HDAC2: variants seen among roughly 807,000 people sequenced by gnomAD.
HDAC2 encodes YY1-associated factor 1.
HDAC2 carries 5 observed loss-of-function variants against 68.5 expected under a neutral mutation model. The observed-to-expected ratio is 0.07, with a 90% CI of 0.04 to 0.15. HDAC2 has a LOEUF of 0.15. HDAC2 is among the 10% of genes least tolerant of loss of function. The pLI is 1.00. For missense variants in HDAC2, 291 were observed against 600.8 expected (o/e 0.48, Z 5.39); for synonymous variants, 182 against 191.3 (o/e 0.95, Z 0.40).
chr6:113,958,389 T>A (rs181226763), intron 3 of HDAC2: 195 of 294,448 alleles, frequency 6.6e-4, no homozygotes, highest in Non-Finnish European at 1.0e-3. Flanking sequence ...CCTACCAATA[T>A]GTATTAACCC....
chr6:113,956,534 T>A (rs1776558900), intron 4 of HDAC2, 85 bp downstream of exon 4: 1 of 920,304 alleles, frequency 1.1e-6, no homozygotes, highest in African/African-American at 1.6e-5. Flanking sequence ...TCACAATCAT[T>A]AAAACTTCTG....
In HDAC2 at chr6:113,933,440, T is replaced by G. The variant is rs768202281; in HGVS notation, c.*7618A>C. 5.9e-5 allele frequency: 9 copies of G among 152,160 alleles called. No homozygotes were observed. Among genetic ancestry groups the G allele is most frequent in the Non-Finnish European group, 8.8e-5 (6 of 68,024 alleles). The allele number at this position is 152,160 out of a possible 1,614,324, so 9.4% of individuals were successfully genotyped here. ...ATTCAGTTATTCTGACTCCTGGACCTGAGATTCGATCCTATCCCATCCCAT... is the reference window on the plus strand; with the variant it reads ...ATTCAGTTATTCTGACTCCTGGACCGGAGATTCGATCCTATCCCATCCCAT... On this transcript the variant is annotated 3_prime_UTR_variant, in exon 14 of 14. Coordinates refer to ENST00000519065, the MANE Select transcript of HDAC2 (RefSeq NM_001527.4).
intron 6 of HDAC2, among the ~76,000 whole-genome samples, chr6:113,950,047 C>G (rs1776373016): frequency 6.6e-6 from 1 of 152,236 alleles, no homozygotes; most frequent in East Asian, 1.9e-4. Flanking sequence ...CCCCAAGGTG[C>G]TGGGATTACA....
At chr6:113,943,636 T>G in intron 11 of HDAC2, 130 bp from the exon 12 acceptor site, 1 of 543,822 alleles carries the variant, frequency 1.8e-6, no homozygotes, top group Non-Finnish European at 2.9e-6. Context: ...TGCCTAATGA[T>G]TTTAAAATTT....
intron 8 of HDAC2, 84 bp downstream of exon 8, chr6:113,948,888 GCAAGAAA>G: frequency 1.4e-6 from 2 of 1,436,712 alleles, no homozygotes; most frequent in Non-Finnish European, 1.9e-6. Context: ...AAAACAGCAG[GCAAGAAA>G]CTACAATGAG....
chr6:113,950,999 T>G (rs1234279784), intron 6 of HDAC2, among the ~76,000 whole-genome samples: 1 of 152,214 alleles, frequency 6.6e-6, no homozygotes, highest in Non-Finnish European at 1.5e-5. Context: ...CAAAGTATTG[T>G]GAAAACTTTA....
rs1775947469 is a variant in HDAC2 at position 113,934,077 on chromosome 6, T to C, written c.*6981A>G. 6.6e-6 allele frequency: 1 copy of C among 152,132 alleles called. No individual in the cohort carries two copies. Among genetic ancestry groups the C allele is most frequent in the Non-Finnish European group, 1.5e-5 (1 of 68,032 alleles). 9.4% of individuals were successfully genotyped at this position (152,132 alleles called of 1,614,324 possible). Reference sequence around the variant, plus strand: ...GTTTAAATATGAGAAAAAAGTTGACTTTAGAATGTCTAATAAGCCTATCCT... The same window carrying C: ...GTTTAAATATGAGAAAAAAGTTGACCTTAGAATGTCTAATAAGCCTATCCT... On this transcript the variant is annotated 3_prime_UTR_variant, in exon 14 of 14. Coordinates refer to ENST00000519065, the MANE Select transcript of HDAC2 (RefSeq NM_001527.4).
chr6:113,942,312 T>C (rs911031540), intron 12 of HDAC2, among the ~76,000 whole-genome samples: 1 of 152,058 alleles, frequency 6.6e-6, no homozygotes, highest in Non-Finnish European at 1.5e-5. Flanking sequence ...AAGCCATCAT[T>C]GTAATACATT....
chr6:113,943,101 T>C (rs1776176084), intron 12 of HDAC2, among the ~76,000 whole-genome samples: 1 of 152,160 alleles, frequency 6.6e-6, no homozygotes, highest in Non-Finnish European at 1.5e-5. Context: ...CAATGCAATG[T>C]TCACTATTTT....
At position 113,936,037 on chromosome 6, in the gene HDAC2, G is replaced by A. The variant is rs980258927; in HGVS notation, c.*5021C>T. 6.6e-6 allele frequency: 1 copy of A among 152,164 alleles called. No individual in the cohort carries two copies. The highest frequency in any genetic ancestry group is 1.5e-5 in the Non-Finnish European group (1 of 68,024). 9.4% of individuals were successfully genotyped at this position (152,164 alleles called of 1,614,324 possible). A position where few individuals can be genotyped will look rare whatever the true frequency, so the allele number is the denominator to read the frequency against. ...TCTAATATTCAGTTCCATTTTGTCT[G>A]ACTAGCAAAGTCACAATTAGTCAAT... is the stretch of plus-strand genomic sequence containing the variant. On this transcript the variant is annotated 3_prime_UTR_variant, in exon 14 of 14. Coordinates refer to ENST00000519065, the MANE Select transcript of HDAC2 (RefSeq NM_001527.4).
rs1198069197 is a variant in HDAC2 at position 113,941,012 on chromosome 6, A to G, written c.*46T>C. The G allele has an allele frequency of 2.0e-6, 3 of 1,483,492 alleles. No homozygotes were observed. Among genetic ancestry groups the G allele is most frequent in the Non-Finnish European group, 2.8e-6 (3 of 1,067,596 alleles). 91.9% of individuals were successfully genotyped at this position (1,483,492 alleles called of 1,614,324 possible). On this transcript the variant is annotated 3_prime_UTR_variant, in exon 14 of 14. Transcript: ENST00000519065. ...TCAAAAAGAAAACATTTTCCTTTCAATATTTTCTTTTTAATGATTTTCTGA... is the reference window on the plus strand; with the variant it reads ...TCAAAAAGAAAACATTTTCCTTTCAGTATTTTCTTTTTAATGATTTTCTGA...
chr6:113,957,378 C>T (rs757268613), intron 3 of HDAC2: 1 of 152,144 alleles, frequency 6.6e-6, no homozygotes, highest in Non-Finnish European at 1.5e-5. Flanking sequence ...GTAACCTCTT[C>T]AAGAATAAGG....
At chr6:113,957,871 C>T (rs915818781) in intron 3 of HDAC2, among the ~76,000 whole-genome samples, 2 of 151,848 alleles carry the variant, frequency 1.3e-5, no homozygotes. Context: ...CTACTCATGC[C>T]TCTTTTGCAT....
intron 1 of HDAC2, among the ~76,000 whole-genome samples, chr6:113,968,127 G>A (rs781200813): frequency 6.6e-6 from 1 of 152,156 alleles, no homozygotes; most frequent in Non-Finnish European, 1.5e-5. Context: ...AAGAGGCTCC[G>A]TGTGCCTAAC....
rs1775968184 is a variant in HDAC2 at position 113,934,840 on chromosome 6, G to A, written c.*6218C>T. ...CTGAACTATACAAGTAAATGTGTTT[G>A]ACAATAACAATGCTTATTTGATTGT... On this transcript the variant is annotated 3_prime_UTR_variant, in exon 14 of 14. Coordinates refer to ENST00000519065, the MANE Select transcript of HDAC2 (RefSeq NM_001527.4). 2 of 152,212 alleles carry A rather than the reference G, an allele frequency of 1.3e-5. No individual in the cohort carries two copies. The highest frequency in any genetic ancestry group is 2.9e-5 in the Non-Finnish European group (2 of 68,032). The allele number at this position is 152,212 out of a possible 1,614,324, so 9.4% of individuals were successfully genotyped here.
At chr6:113,951,719 G>A (rs974430934) in intron 6 of HDAC2, among the ~76,000 whole-genome samples, 7 of 151,884 alleles carry the variant, frequency 4.6e-5, no homozygotes, top group East Asian at 1.9e-4. Flanking sequence ...CTCCCACCTC[G>A]GCCTCCCAAA....
intron 1 of HDAC2, among the ~76,000 whole-genome samples, chr6:113,965,719 G>A (rs1382955470): frequency 2.0e-5 from 3 of 152,112 alleles, no homozygotes; most frequent in Non-Finnish European, 4.4e-5. Context: ...CTTAGGACTT[G>A]AGCAATCTTT....
At position 113,943,269 on chromosome 6, in the gene HDAC2, T is replaced by G. The variant is rs1776183516; in HGVS notation, c.1378+82A>C. Reference sequence around the variant, plus strand: ...TCCTCCTGATACCTGTGCAACTGACTTCTCGATAGCATAAACATTATAATG... The same window carrying G: ...TCCTCCTGATACCTGTGCAACTGACGTCTCGATAGCATAAACATTATAATG... On this transcript the variant is annotated intron_variant, in intron 12 of 13. Coordinates refer to ENST00000519065, the MANE Select transcript of HDAC2 (RefSeq NM_001527.4). 35 of 1,136,592 alleles carry G rather than the reference T, an allele frequency of 3.1e-5. No homozygotes were observed. The East Asian group carries it at 8.5e-4, about 28-fold the overall frequency. The allele number at this position is 1,136,592 out of a possible 1,614,324, so 70.4% of individuals were successfully genotyped here.
Position 113,948,862 on chromosome 6 carries a change from T to C in HDAC2, c.841+117A>G, listed in dbSNP as rs77775297. On this transcript the variant is annotated intron_variant, in intron 8 of 13. Transcript: ENST00000519065. ...ACAACAGACAAAACCCCATGAAAAA[T>C]GCAGAGTACAGTGTTAAAACAGCAG... 5.7e-3 allele frequency: 5,999 copies of C among 1,056,116 alleles called. 28 individuals carry two copies. The highest frequency in any genetic ancestry group is 7.4e-3 in the Admixed American group (264 of 35,562). 65.4% of individuals were successfully genotyped at this position (1,056,116 alleles called of 1,614,324 possible). A position where few individuals can be genotyped will look rare whatever the true frequency, so the allele number is the denominator to read the frequency against.
Sources: gnomAD v4.1 joint callset for allele counts (sites outside exome capture counted in the v4.1 genomes callset) on GRCh38, gnomAD v4.1.1 for gene constraint, MANE v1.5 for transcripts, NCBI Gene and HGNC (gene_info 2026-07-23, HGNC 2026-07-21) for gene names.